AFG1L: variants seen among roughly 807,000 people sequenced by gnomAD.
AFG1L encodes AFG1-like ATPase.
A neutral mutation model predicts 62.2 loss-of-function variants in AFG1L; 53 were observed. The ratio of observed to expected loss-of-function variants is 0.85; its 90% confidence interval spans 0.68 to 1.07. The LOEUF (loss-of-function observed/expected upper bound fraction) is 1.07, where lower values mean the gene tolerates loss of function less well. Ranked by LOEUF, AFG1L falls within the 50% of genes least tolerant of loss-of-function variation. The pLI, the probability that AFG1L is intolerant of heterozygous loss-of-function variation, is 0.00. For missense variants in AFG1L, 555 were observed against 590.5 expected, an observed-to-expected ratio of 0.94 and a Z score of 0.62; for synonymous variants, 228 against 210.3, an observed-to-expected ratio of 1.08 and a Z score of -0.73.
chr6:108,428,496 G>T (rs1310365739), intron 7 of AFG1L, among the ~76,000 whole-genome samples: 1 of 152,178 alleles, frequency 6.6e-6, no homozygotes, highest in Non-Finnish European at 1.5e-5. Flanking sequence ...TAGAACGGTA[G>T]ATCTACTTTT....
intron 8 of AFG1L, among the ~76,000 whole-genome samples, chr6:108,456,911 T>C (rs187985687): frequency 1.5e-3 from 223 of 152,282 alleles, no homozygotes; most frequent in African/African-American, 5.1e-3. Flanking sequence ...AAATGCTGTA[T>C]AGGTTTATAG....
At chr6:108,402,467 TA>T (rs55775052) in intron 7 of AFG1L, among the ~76,000 whole-genome samples, 54,720 of 91,612 alleles carry the variant, frequency 0.6, 14,966 homozygotes, top group African/African-American at 0.8. Context: ...CCGTCTCGAA[TA>T]AAAAAAAAAA....
At chr6:108,332,826 T>G (rs1461587734) in intron 2 of AFG1L, among the ~76,000 whole-genome samples, 3 of 152,074 alleles carry the variant, frequency 2.0e-5, no homozygotes, top group Non-Finnish European at 4.4e-5. Flanking sequence ...CGGCTGGTCT[T>G]AAACTCCTGG....
intron 11 of AFG1L, among the ~76,000 whole-genome samples, chr6:108,519,064 AT>A (rs573686142): frequency 1.3e-5 from 2 of 152,148 alleles, no homozygotes; most frequent in Non-Finnish European, 2.9e-5. Context: ...ATAGGAATTT[AT>A]TTCTTCCAGT....
chr6:108,411,910 A>G (rs963477050), intron 7 of AFG1L, among the ~76,000 whole-genome samples: 2 of 152,230 alleles, frequency 1.3e-5, no homozygotes, highest in Non-Finnish European at 2.9e-5. Flanking sequence ...ACAGAGAATG[A>G]CTTTGATGAC....
chr6:108,308,818 G>A (rs1017597943), intron 1 of AFG1L, among the ~76,000 whole-genome samples: 1 of 152,006 alleles, frequency 6.6e-6, no homozygotes, highest in Non-Finnish European at 1.5e-5. Context: ...TGATTCTTCT[G>A]ACTCAGCTTC....
At chr6:108,467,751 T>TTCAGTTATATTCAGTGAATCA in intron 8 of AFG1L, among the ~76,000 whole-genome samples, 2 of 152,336 alleles carry the variant, frequency 1.3e-5, no homozygotes, top group East Asian at 3.9e-4. Context: ...TATAACCCTA[T>TTCAGTTATATTCAGTGAATCA]GGTAGAGAAA....
intron 1 of AFG1L, among the ~76,000 whole-genome samples, chr6:108,309,343 T>C (rs1397936552): frequency 1.3e-5 from 2 of 152,150 alleles, no homozygotes; most frequent in Non-Finnish European, 2.9e-5. Context: ...TTTTGTTCCA[T>C]TGGTCTATTC....
rs1441257685 is a variant in AFG1L at position 108,422,671 on chromosome 6, T to TA, written c.807+20624dup. ...TTATTAGCTACTTTGAAACTACGTT[T>TA]AAAAAAATCTACCCTTCAAATACTT... On this transcript the variant is annotated intron_variant, in intron 7 of 12. Transcript: ENST00000368977. Among the ~76,000 whole-genome samples the TA allele has an allele frequency of 4.0e-5, 6 of 151,820 alleles. No homozygotes were observed. In the East Asian group the frequency reaches 7.7e-4, roughly 19 times the overall value.
chr6:108,476,999 C>A, intron 9 of AFG1L, 64 bp downstream of exon 9: 1 of 1,396,478 alleles, frequency 7.2e-7, no homozygotes. Context: ...TCTCCACTGA[C>A]CAATTAATAA....
At chr6:108,381,871 G>A (rs923207051) in intron 6 of AFG1L, among the ~76,000 whole-genome samples, 13 of 152,072 alleles carry the variant, frequency 8.5e-5, no homozygotes, top group Non-Finnish European at 1.5e-5. Context: ...TGGGGAAATA[G>A]ACTACATGAA....
intron 7 of AFG1L, among the ~76,000 whole-genome samples, chr6:108,423,337 T>G (rs1770681938): frequency 6.6e-6 from 1 of 152,094 alleles, no homozygotes; most frequent in Admixed American, 6.6e-5. Context: ...TTTGAATGAT[T>G]GCTAATTACC....
chr6:108,447,048 T>G (rs1771837131), intron 7 of AFG1L, among the ~76,000 whole-genome samples, 166 bp from the exon 8 acceptor site: 5 of 152,242 alleles, frequency 3.3e-5, no homozygotes. Flanking sequence ...ATATTGCAAC[T>G]TTAGTTTTAT....
At chr6:108,469,811 C>T (rs1421839019) in intron 8 of AFG1L, among the ~76,000 whole-genome samples, 2 of 152,146 alleles carry the variant, frequency 1.3e-5, no homozygotes, top group Non-Finnish European at 2.9e-5. Flanking sequence ...GAAAGGCAGA[C>T]TTATCTGCTT....
chr6:108,441,263 G>T (rs1176470830), intron 7 of AFG1L, among the ~76,000 whole-genome samples: 1 of 152,144 alleles, frequency 6.6e-6, no homozygotes, highest in Non-Finnish European at 1.5e-5. Flanking sequence ...ACACACAATA[G>T]ATTTTGGGGA....
intron 11 of AFG1L, among the ~76,000 whole-genome samples, chr6:108,514,204 G>A (rs941323233): frequency 3.7e-4 from 57 of 152,132 alleles, no homozygotes; most frequent in Admixed American, 1.1e-3. Flanking sequence ...AAATCAGAGC[G>A]CCTCTCCTCC....
At position 108,515,865 on chromosome 6, in the gene AFG1L, A is replaced by C. The variant is rs576902956; in HGVS notation, c.1204-3832A>C. ...ATACAAACTACCATCAGAGAATACT[A>C]TAAACACCTCTATGCAAATAAACTA... is the stretch of plus-strand genomic sequence containing the variant. On this transcript the variant is annotated intron_variant, in intron 11 of 12. Coordinates refer to ENST00000368977, the MANE Select transcript of AFG1L (RefSeq NM_145315.5). Among the ~76,000 whole-genome samples the C allele has an allele frequency of 6.0e-3, 917 of 152,352 alleles. 17 individuals are homozygous for C. The highest frequency in any genetic ancestry group is 0.043 in the Admixed American group (663 of 15,304).
chr6:108,311,927 C>T (rs1348336328), intron 1 of AFG1L, among the ~76,000 whole-genome samples: 1 of 151,896 alleles, frequency 6.6e-6, no homozygotes, highest in Admixed American at 6.6e-5. Context: ...TAAAGTGGTA[C>T]GATCTCTGCT....
chr6:108,355,791 G>A (rs893069090), intron 4 of AFG1L, 36 bp downstream of exon 4: 2 of 1,378,044 alleles, frequency 1.5e-6, no homozygotes, highest in Non-Finnish European at 2.1e-6. Flanking sequence ...TTTTTTCAGT[G>A]GGGAAACGCT....
Sources: gnomAD v4.1 joint callset for allele counts (sites outside exome capture counted in the v4.1 genomes callset) on GRCh38, gnomAD v4.1.1 for gene constraint, MANE v1.5 for transcripts, NCBI Gene and HGNC (gene_info 2026-07-23, HGNC 2026-07-21) for gene names.